ABLIM3: variants seen among roughly 807,000 people sequenced by gnomAD.
ABLIM3 encodes the protein actin binding LIM protein family member 3, also known as actin-binding LIM protein 3.
A neutral mutation model predicts 109.5 loss-of-function variants in ABLIM3; 61 were observed. That is an observed-to-expected ratio of 0.56 (90% confidence interval 0.45 to 0.69). The LOEUF is 0.69. Ranked by LOEUF, ABLIM3 falls within the 30% of genes least tolerant of loss-of-function variation. The pLI, the probability that ABLIM3 is intolerant of heterozygous loss-of-function variation, is 0.00. For synonymous variants in ABLIM3, 300 were observed against 324.8 expected, an observed-to-expected ratio of 0.92 and a Z score of 0.82; for missense variants, 796 against 889.5, an observed-to-expected ratio of 0.89 and a Z score of 1.34.
chr5:149,185,249 T>C (rs1239115504), intron 3 of ABLIM3, among the ~76,000 whole-genome samples: 1 of 152,192 alleles, frequency 6.6e-6, no homozygotes, highest in Non-Finnish European at 1.5e-5. Context: ...CATGATGATA[T>C]GCAGTTGGCG....
chr5:149,183,368 C>T, intron 2 of ABLIM3, 84 bp from the exon 3 acceptor site: 1 of 1,412,414 alleles, frequency 7.1e-7, no homozygotes, highest in East Asian at 2.7e-5. Flanking sequence ...CTTTTTCTTC[C>T]AGCTACAATT....
chr5:149,203,949 G>T (rs1758725380), intron 5 of ABLIM3, among the ~76,000 whole-genome samples: 1 of 152,202 alleles, frequency 6.6e-6, no homozygotes, highest in Non-Finnish European at 1.5e-5. Flanking sequence ...CCCAGATAAT[G>T]AGTAATGGAA....
chr5:149,156,857 C>T (rs981646969), intron 2 of ABLIM3, among the ~76,000 whole-genome samples: 1 of 152,160 alleles, frequency 6.6e-6, no homozygotes, highest in Non-Finnish European at 1.5e-5. Flanking sequence ...GTGTACCAAT[C>T]GAAATGTATT....
At chr5:149,240,449 A>C in intron 13 of ABLIM3, 1 of 579,012 alleles carries the variant, frequency 1.7e-6, no homozygotes, top group Non-Finnish European at 3.1e-6. Flanking sequence ...ATCTCACAAA[A>C]TCTGACTTTG....
Position 149,259,326 on chromosome 5 carries a change from T to C in ABLIM3, c.*922T>C, listed in dbSNP as rs993143477. The C allele has an allele frequency of 2.8e-6, 4 of 1,426,342 alleles. No homozygotes were observed. Among genetic ancestry groups the C allele is most frequent in the Admixed American group, 5.6e-5 (2 of 35,456 alleles). The allele number at this position is 1,426,342 out of a possible 1,614,324, so 88.4% of individuals were successfully genotyped here. A position where few individuals can be genotyped will look rare whatever the true frequency, so the allele number is the denominator to read the frequency against. ...TGTATTCTTTAGCCTTATTACAATC[T>C]ATGTGCCTGACAACTCAACACACCG... On this transcript the variant is annotated 3_prime_UTR_variant, in exon 24 of 24. Coordinates refer to ENST00000309868, the MANE Select transcript of ABLIM3 (RefSeq NM_014945.5).
chr5:149,239,797 C>G lies in ABLIM3; in HGVS notation c.1113C>G (p.Ala371=), dbSNP rs758112347. The change falls in exon 13 of 24, where the codon GCC becomes GCG. Residue 371 remains alanine, a synonymous_variant. Coordinates refer to ENST00000309868, the MANE Select transcript of ABLIM3 (RefSeq NM_014945.5). ...ACCTGGACCTCCGGCAGAGACGGGC[C>G]TCCAGCCCGGGGTACATAGACTCCC... ...YENLDLRQRR[A]SSPGYIDSPT... The G allele has an allele frequency of 5.0e-6, 8 of 1,608,480 alleles. No homozygotes were observed. The highest frequency in any genetic ancestry group is 1.7e-5 in the Admixed American group (1 of 59,330).
Position 149,240,667 on chromosome 5 carries a change from G to A in ABLIM3, c.1205-9G>A, listed in dbSNP as rs183649290. 1.7e-4 allele frequency: 272 copies of A among 1,612,302 alleles called. No individual in the cohort carries two copies. Among genetic ancestry groups the A allele is most frequent in the South Asian group, 3.2e-4 (29 of 91,058 alleles). On this transcript the variant is annotated splice_polypyrimidine_tract_variant and intron_variant, in intron 13 of 23. Transcript: ENST00000309868. Reference sequence around the variant, plus strand: ...GTTTTCTTTGGCGACCACTTCCTGCGTGCTCCAGGGCCCGAGAGTGGCCGG... The same window carrying A: ...GTTTTCTTTGGCGACCACTTCCTGCATGCTCCAGGGCCCGAGAGTGGCCGG...
At chr5:149,257,695 AG>A (rs960335034) in intron 23 of ABLIM3, among the ~76,000 whole-genome samples, 2 of 151,638 alleles carry the variant, frequency 1.3e-5, no homozygotes, top group African/African-American at 4.9e-5. Context: ...GGGCAGAAAG[AG>A]GGGAAAATCC....
At chr5:149,155,991 C>T (rs774441485) in intron 2 of ABLIM3, among the ~76,000 whole-genome samples, 18 of 152,218 alleles carry the variant, frequency 1.2e-4, no homozygotes, top group Non-Finnish European at 2.2e-4. Flanking sequence ...ATCAGAGGGC[C>T]TGGAGGCAGT....
chr5:149,180,313 C>T (rs1430989686), intron 2 of ABLIM3, among the ~76,000 whole-genome samples: 2 of 152,330 alleles, frequency 1.3e-5, no homozygotes, highest in East Asian at 3.9e-4. Flanking sequence ...TTTAACATTT[C>T]AGGGCAGTTA....
chr5:149,219,952 A>G (rs1760476414), intron 8 of ABLIM3: 1 of 150,928 alleles, frequency 6.6e-6, no homozygotes, highest in Non-Finnish European at 1.5e-5. Context: ...TTTCACCCAG[A>G]GTGCCTCAGG....
chr5:149,220,592 T>C (rs1427733515), intron 8 of ABLIM3: 4 of 152,118 alleles, frequency 2.6e-5, no homozygotes, highest in African/African-American at 9.7e-5. Flanking sequence ...ACCACTGAGA[T>C]CTGGGCCTTG....
chr5:149,251,393 T>A lies in ABLIM3; in HGVS notation c.1823T>A (p.Met608Lys). Reference sequence around the variant, plus strand: ...GCAGACCTCTTCCACTACGACAGCATGAACGCAGTCAACTGGGGCATGCGA... The same window carrying A: ...GCAGACCTCTTCCACTACGACAGCAAGAACGCAGTCAACTGGGGCATGCGA... Reference protein sequence around the residue: ...PSADLFHYDSMNAVNWGMREY... With the variant: ...PSADLFHYDSKNAVNWGMREY... Residue 608 changes from methionine (M) to lysine (K), a missense_variant, in exon 21 of 24, where the codon ATG (methionine) becomes AAG (lysine). Physicochemically the swap from Met to Lys is moderately conservative, Grantham distance 95 (BLOSUM62 -1). Coordinates refer to ENST00000309868, the MANE Select transcript of ABLIM3 (RefSeq NM_014945.5). 1.9e-6 allele frequency: 3 copies of A among 1,614,140 alleles called. No individual in the cohort carries two copies. The highest frequency in any genetic ancestry group is 2.5e-6 in the Non-Finnish European group (3 of 1,180,020).
At chr5:149,143,915 A>G (rs184445983) in intron 2 of ABLIM3, among the ~76,000 whole-genome samples, 1 of 152,370 alleles carries the variant, frequency 6.6e-6, no homozygotes, top group African/African-American at 2.4e-5. Flanking sequence ...ACTAAGTGAC[A>G]GAAAAGAAAG....
At chr5:149,223,122 A>G (rs1486529341) in intron 8 of ABLIM3, among the ~76,000 whole-genome samples, 4 of 148,048 alleles carry the variant, frequency 2.7e-5, no homozygotes, top group Non-Finnish European at 4.5e-5. Flanking sequence ...GCGAGCTGCC[A>G]TTTTTTTTTT....
At chr5:149,215,056 C>G (rs187690817) in intron 7 of ABLIM3, among the ~76,000 whole-genome samples, 197 of 152,318 alleles carry the variant, frequency 1.3e-3, no homozygotes, top group Non-Finnish European at 2.3e-3. Flanking sequence ...GTTTTCAACA[C>G]CATCCAAGAC....
At chr5:149,182,520 T>C (rs1366990979) in intron 2 of ABLIM3, among the ~76,000 whole-genome samples, 1 of 152,174 alleles carries the variant, frequency 6.6e-6, no homozygotes, top group Non-Finnish European at 1.5e-5. Context: ...AACCCTGAGA[T>C]TTTTGTGCTG....
chr5:149,178,944 C>T (rs147101891), intron 2 of ABLIM3, among the ~76,000 whole-genome samples: 248 of 152,176 alleles, frequency 1.6e-3, no homozygotes, highest in African/African-American at 5.6e-3. Context: ...TAGGTAACAG[C>T]AGAGAGGGAA....
chr5:149,247,823 G>A lies in ABLIM3; in HGVS notation c.1593G>A (p.Met531Ile), dbSNP rs780531168. The A allele has an allele frequency of 6.2e-7, 1 of 1,614,252 alleles. No homozygotes were observed. ...GCCGGCTGATTCTGAAGGAAGAAAT[G>A]AAGGCCCGGTCGAGCTCCTATGCAG... Reference protein sequence around the residue: ...GIGRLILKEEMKARSSSYADP... With the variant: ...GIGRLILKEEIKARSSSYADP... Residue 531 changes from methionine to isoleucine, a missense_variant, in exon 18 of 24, where the codon ATG becomes ATA. Coordinates refer to ENST00000309868, the MANE Select transcript of ABLIM3 (RefSeq NM_014945.5).
Sources: allele counts gnomAD v4.1 joint callset (sites outside exome capture counted in the v4.1 genomes callset), GRCh38; gene constraint gnomAD v4.1.1; transcripts MANE v1.5; gene names NCBI Gene and HGNC (gene_info 2026-07-23, HGNC 2026-07-21).